The following ASPM variants were observed in gnomAD, a reference collection of about 807,000 sequenced individuals.
ASPM encodes the protein abnormal spindle-like microcephaly-associated protein.
A neutral mutation model predicts 366.4 loss-of-function variants in ASPM; 256 were observed. That is an observed-to-expected ratio of 0.70 (90% CI 0.63 to 0.77). The LOEUF (loss-of-function observed/expected upper bound fraction) is 0.77. ASPM is among the 30% of genes least tolerant of loss of function. The probability of loss-of-function intolerance (pLI) is 0.00; values close to 1 mark genes in which losing one functional copy is unlikely to be tolerated. For synonymous variants in ASPM, 1,414 were observed against 1,342.9 expected (o/e 1.05, Z -1.16); for missense variants, 4,146 against 4,090.4 (o/e 1.01, Z -0.37).
rs949295336 is a variant in ASPM at position 197,122,727 on chromosome 1, T to C, written c.3391-132A>G. ...ATCTACAAGGCAAGTAATGGCAAGT[T>C]TGACTGGTAAACTCTAAAATTTAAA... On this transcript the variant is annotated intron_variant, in intron 13 of 27. Transcript: ENST00000367409. The C allele has an allele frequency of 4.0e-5, 35 of 871,746 alleles. No individual in the cohort carries two copies. The African/African-American group carries it at 5.2e-4, about 13-fold the overall frequency. The allele number at this position is 871,746 out of a possible 1,614,324, so 54.0% of individuals were successfully genotyped here.
At chr1:197,128,140 G>A (rs552315919) in intron 10 of ASPM, among the ~76,000 whole-genome samples, 1 of 151,660 alleles carries the variant, frequency 6.6e-6, no homozygotes, top group South Asian at 2.1e-4. Context: ...CTCCAGACTG[G>A]GCAACAGAGC....
chr1:197,129,975 A>G lies in ASPM; in HGVS notation c.2569T>C (p.Trp857Arg). 1 of 1,613,988 alleles carries G rather than the reference A, an allele frequency of 6.2e-7. No homozygotes were observed. Among genetic ancestry groups the G allele is most frequent in the Non-Finnish European group, 8.5e-7 (1 of 1,179,900 alleles). The change falls in exon 8 of 28, where the codon TGG becomes CGG. Residue 857 changes from tryptophan (W) to arginine (R), a missense_variant. This residue lies in a region of ASPM where 3,624 missense variants were observed against 3,591.7 expected (regional missense o/e 1.01). Coordinates refer to ENST00000367409, the MANE Select transcript of ASPM (RefSeq NM_018136.5). ...LAMFILNRLL[W>R]NPDIAAEYRH... is the part of the protein sequence containing the mutation. Reference sequence around the variant, plus strand: ...TACTCAGCTGCTATATCAGGATTCCAAAGTAGGCGATTCAGAATAAACATA... The same window carrying G: ...TACTCAGCTGCTATATCAGGATTCCGAAGTAGGCGATTCAGAATAAACATA...
intron 17 of ASPM, among the ~76,000 whole-genome samples, chr1:197,115,127 C>T (rs1013886161): frequency 6.6e-6 from 1 of 152,156 alleles, no homozygotes; most frequent in Non-Finnish European, 1.5e-5. Flanking sequence ...ATCCTCCCAC[C>T]TCAGCCTCCC....
intron 18 of ASPM, among the ~76,000 whole-genome samples, chr1:197,096,547 G>A (rs952767570): frequency 4.0e-5 from 6 of 151,758 alleles, no homozygotes; most frequent in African/African-American, 1.4e-4. Context: ...AGGTTCTGGG[G>A]AGAAAGAGGA....
In ASPM at chr1:197,132,319, G is replaced by T. The variant is rs1388889791; in HGVS notation, c.2453C>A (p.Ser818Tyr). ...AATTCGAAGCCACAAAGGATTGTAG[G>T]ACAACAGCCAATTCAGGACTTTCTG... is the stretch of plus-strand genomic sequence containing the variant. Reference protein sequence around the residue: ...ERQKVLNWLLSYNPLWLRIGL... With the variant: ...ERQKVLNWLLYYNPLWLRIGL... Residue 818 changes from serine (S) to tyrosine (Y), a missense_variant, in exon 7 of 28, where the codon TCC becomes TAC. Physicochemically the swap from Ser to Tyr is moderately radical, Grantham distance 144 (BLOSUM62 -2). Transcript: ENST00000367409. 22 of 1,613,246 alleles carry T rather than the reference G, an allele frequency of 1.4e-5. No individual in the cohort carries two copies. The highest frequency in any genetic ancestry group is 1.9e-5 in the Non-Finnish European group (22 of 1,179,522).
intron 19 of ASPM, 48 bp from the exon 20 acceptor site, chr1:197,094,228 C>G: frequency 8.8e-7 from 1 of 1,132,236 alleles, no homozygotes. Flanking sequence ...TTAACTTATT[C>G]AATGAGTATT....
chr1:197,125,019 T>A (rs1448504535), intron 11 of ASPM, 27 bp downstream of exon 11: 2 of 1,612,034 alleles, frequency 1.2e-6, no homozygotes, highest in African/African-American at 1.3e-5. Context: ...GTGAGGAGAA[T>A]AAGTTTTACC....
At chr1:197,086,247 G>A (rs1291428858) in intron 27 of ASPM, among the ~76,000 whole-genome samples, 1 of 151,668 alleles carries the variant, frequency 6.6e-6, no homozygotes, top group Non-Finnish European at 1.5e-5. Context: ...AAGGAAGGAA[G>A]GGAGGGAGAG....
intron 27 of ASPM, among the ~76,000 whole-genome samples, chr1:197,086,101 C>T (rs1393475229): frequency 1.3e-5 from 2 of 152,028 alleles, no homozygotes; most frequent in African/African-American, 2.4e-5. Context: ...TTTATAACTA[C>T]ATTATACAGT....
chr1:197,113,672 T>C (rs1315353923), intron 17 of ASPM, among the ~76,000 whole-genome samples: 3 of 152,072 alleles, frequency 2.0e-5, no homozygotes, highest in Admixed American at 2.0e-4. Context: ...AGAAATTTCA[T>C]TAGTAAGATA....
At chr1:197,133,730 C>T (rs1262950079) in intron 5 of ASPM, 135 bp from the exon 6 acceptor site, 1 of 1,010,566 alleles carries the variant, frequency 9.9e-7, no homozygotes, top group Non-Finnish European at 1.4e-6. Flanking sequence ...ACTCCTTAGG[C>T]CAATCTATCA....
Position 197,103,443 on chromosome 1 carries a change from T to C in ASPM, c.5808A>G (p.Ala1936=). The change falls in exon 18 of 28, where the codon GCA becomes GCG. Residue 1936 remains alanine (A), a synonymous_variant. Transcript: ENST00000367409. ...TATACTCCATACATTGCTTCCTTCCTGCAGTCCATGCTCTGAAATTTTGCT... is the reference window on the plus strand; with the variant it reads ...TATACTCCATACATTGCTTCCTTCCCGCAGTCCATGCTCTGAAATTTTGCT... ...VIQQNFRAWT[A]GRKQCMEYIE... is the part of the protein sequence containing the mutation. 6.2e-7 allele frequency: 1 copy of C among 1,613,362 alleles called. No individual in the cohort carries two copies. The highest frequency in any genetic ancestry group is 8.5e-7 in the Non-Finnish European group (1 of 1,179,526).
rs1657332591 is a variant in ASPM at position 197,104,413 on chromosome 1, T to G, written c.4838A>C (p.Gln1613Pro). Residue 1613 changes from glutamine (Q) to proline (P), a missense_variant, in exon 18 of 28, where the codon CAG becomes CCG. Transcript: ENST00000367409. Reference sequence around the variant, plus strand: ...AAAAATATAAGCTCGGAAATGAGTCTGAATTATAACAGCTGCTTTCTTCAT... The same window carrying G: ...AAAAATATAAGCTCGGAAATGAGTCGGAATTATAACAGCTGCTTTCTTCAT... ...KKMKKAAVII[Q>P]THFRAYIFAM... 6.2e-7 allele frequency: 1 copy of G among 1,613,130 alleles called. No homozygotes were observed. Among genetic ancestry groups the G allele is most frequent in the Non-Finnish European group, 8.5e-7 (1 of 1,179,436 alleles).
chr1:197,122,482 A>C lies in ASPM; in HGVS notation c.3504T>G (p.Thr1168=), dbSNP rs752165532. 6.2e-6 allele frequency: 10 copies of C among 1,613,784 alleles called. No individual in the cohort carries two copies. Among genetic ancestry groups the C allele is most frequent in the South Asian group, 1.1e-5 (1 of 91,072 alleles). The change falls in exon 14 of 28, where the codon ACT becomes ACG. Residue 1168 remains threonine, a synonymous_variant. Transcript: ENST00000367409. The part of the protein sequence containing the change: ...FDAICQRTTQ[T]VECTQTGSVV... ...CTGAACCAGTTTGCGTACATTCCAC[A>C]GTTTGAGTAGTACGCTGACATATAG... is the stretch of plus-strand genomic sequence containing the variant.
chr1:197,122,383 C>G lies in ASPM; in HGVS notation c.3598+5G>C. 6.2e-7 allele frequency: 1 copy of G among 1,613,540 alleles called. No individual in the cohort carries two copies. Reference sequence around the variant, plus strand: ...AAATTGGAAAAGTAACCAAAAGGGACTAACCATGATCAAATGCTTTAAGAG... The same window carrying G: ...AAATTGGAAAAGTAACCAAAAGGGAGTAACCATGATCAAATGCTTTAAGAG... On this transcript the variant is annotated splice_donor_5th_base_variant and intron_variant, in intron 14 of 27. Coordinates refer to ENST00000367409, the MANE Select transcript of ASPM (RefSeq NM_018136.5).
chr1:197,142,970 C>CG lies in ASPM; in HGVS notation c.1281_1282insC (p.Asp428ArgfsTer6), dbSNP rs760423554. 6.2e-7 allele frequency: 1 copy of CG among 1,613,970 alleles called. No individual in the cohort carries two copies. The highest frequency in any genetic ancestry group is 1.1e-5 in the South Asian group (1 of 91,082). On this transcript the variant is annotated frameshift_variant, in exon 3 of 28. Transcript: ENST00000367409. LOFTEE classifies it high-confidence loss of function. ...GGCGAAACTTCACTTTTTCTCCAAT[C>CG]TTCAGGAGACTGTGGGACTTGAGAA...
Position 197,091,056 on chromosome 1 carries a change from G to C in ASPM, c.9445-15C>G. ...CGAAACCATCTCTGTTTAAAACATA[G>C]AATTTTGTTTTTCATTTCTACTTCA... On this transcript the variant is annotated splice_polypyrimidine_tract_variant and intron_variant, in intron 22 of 27. Coordinates refer to ENST00000367409, the MANE Select transcript of ASPM (RefSeq NM_018136.5). 1 of 1,594,268 alleles carries C rather than the reference G, an allele frequency of 6.3e-7. No homozygotes were observed. Among genetic ancestry groups the C allele is most frequent in the African/African-American group, 1.3e-5 (1 of 74,390 alleles).
chr1:197,111,392 C>T (rs1054513843), intron 17 of ASPM, among the ~76,000 whole-genome samples: 17 of 151,988 alleles, frequency 1.1e-4, no homozygotes, highest in African/African-American at 4.1e-4. Flanking sequence ...TACCATCTCA[C>T]CCGTCAAGAT....
At position 197,102,392 on chromosome 1, in the gene ASPM, T is replaced by C. The variant is rs200074982; in HGVS notation, c.6859A>G (p.Lys2287Glu). 1 of 1,612,818 alleles carries C rather than the reference T, an allele frequency of 6.2e-7. No homozygotes were observed. The highest frequency in any genetic ancestry group is 8.5e-7 in the Non-Finnish European group (1 of 1,179,256). The change falls in exon 18 of 28, where the codon AAA becomes GAA. Residue 2287 changes from lysine (K) to glutamate (E), a missense_variant. Around this residue, in one of 3 missense-constraint regions of ASPM, gnomAD observed 3,624 missense variants for 3,591.7 expected, o/e 1.01. Transcript: ENST00000367409. ...TTTCTCTGAATCAAAATAGCAGTTTTCTTGAGAGAGAGGAATCTTCTTCTC... is the reference window on the plus strand; with the variant it reads ...TTTCTCTGAATCAAAATAGCAGTTTCCTTGAGAGAGAGGAATCTTCTTCTC... ...MMRRRFLSLK[K>E]TAILIQRKYR...
Sources: gnomAD v4.1 joint callset for allele counts (sites outside exome capture counted in the v4.1 genomes callset) on GRCh38, gnomAD v4.1.1 for gene constraint, gnomAD v4.1.1 regional missense constraint, MANE v1.5 for transcripts, NCBI Gene and HGNC (gene_info 2026-07-23, HGNC 2026-07-21) for gene names.